The following FSIP2 variants were observed in gnomAD, a reference collection of about 807,000 sequenced individuals.
The protein encoded by FSIP2 is fibrous sheath interacting protein 2.
FSIP2 carries 367 observed loss-of-function variants against 510.5 expected under a neutral mutation model. The ratio of observed to expected loss-of-function variants is 0.72; its 90% CI spans 0.66 to 0.78. FSIP2 has a LOEUF of 0.78. Ranked by LOEUF, FSIP2 falls within the 30% of genes least tolerant of loss-of-function variation. The probability of loss-of-function intolerance (pLI) is 0.00; values close to 1 mark genes in which losing one functional copy is unlikely to be tolerated. For synonymous variants in FSIP2, 2,601 were observed against 2,732.2 expected (o/e 0.95, Z 1.50); for missense variants, 7,594 against 7,901.7 (o/e 0.96, Z 1.48).
chr2:185,747,889 C>A (rs890747611), intron 7 of FSIP2, among the ~76,000 whole-genome samples: 1 of 151,956 alleles, frequency 6.6e-6, no homozygotes, highest in African/African-American at 2.4e-5. Flanking sequence ...ACATACACCC[C>A]CCAACAATGT....
At position 185,761,966 on chromosome 2, in the gene FSIP2, A is replaced by G; in HGVS notation, c.1195-6A>G. ...AATTTTTTCTCTTCAATGTGGTACC[A>G]TGTAGAGAGATGGGATGGTATCTAA... On this transcript the variant is annotated splice_polypyrimidine_tract_variant and splice_region_variant and intron_variant, in intron 10 of 22. Coordinates refer to ENST00000424728, the MANE Select transcript of FSIP2 (RefSeq NM_173651.4). 6.9e-7 allele frequency: 1 copy of G among 1,459,446 alleles called. No homozygotes were observed. The highest frequency in any genetic ancestry group is 9.2e-7 in the Non-Finnish European group (1 of 1,081,300). 90.4% of individuals were successfully genotyped at this position (1,459,446 alleles called of 1,614,324 possible). A position where few individuals can be genotyped will look rare whatever the true frequency, so the allele number is the denominator to read the frequency against.
rs1406701103 is a variant in FSIP2, at chr2:185,764,561, A to C, written c.1407A>C (p.Glu469Asp). The part of the protein sequence containing the change: ...RPTKRSSYLC[E>D]SGPQAHATDP... The stretch of plus-strand genomic sequence containing the variant: ...CCAAGAGATCAAGCTATCTCTGCGA[A>C]TCAGGTAAATATCAGCAGTAATTAT... The change falls in exon 13 of 23, where the codon GAA becomes GAC. Residue 469 changes from glutamate (E) to aspartate (D), a missense_variant. Physicochemically the swap from Glu to Asp is conservative, Grantham distance 45. Coordinates refer to ENST00000424728, the MANE Select transcript of FSIP2 (RefSeq NM_173651.4). 6.6e-7 allele frequency: 1 copy of C among 1,517,792 alleles called. No individual in the cohort carries two copies. The highest frequency in any genetic ancestry group is 2.0e-5 in the Admixed American group (1 of 50,726). The allele number at this position is 1,517,792 out of a possible 1,614,324, so 94.0% of individuals were successfully genotyped here.
chr2:185,786,906 T>G (rs1216877429), intron 15 of FSIP2, among the ~76,000 whole-genome samples: 1 of 151,830 alleles, frequency 6.6e-6, no homozygotes, highest in Non-Finnish European at 1.5e-5. Flanking sequence ...CCAAGGGAAT[T>G]TTTTTCAGCT....
At chr2:185,826,477 T>A (rs553043247) in intron 20 of FSIP2, among the ~76,000 whole-genome samples, 1 of 151,982 alleles carries the variant, frequency 6.6e-6, no homozygotes, top group South Asian at 2.1e-4. Context: ...CATTCCTTAC[T>A]TTCAGATCTT....
At position 185,795,546 on chromosome 2, in the gene FSIP2, G is replaced by A. The variant is rs1693246770; in HGVS notation, c.8410G>A (p.Gly2804Arg). Residue 2804 changes from glycine to arginine, a missense_variant, in exon 16 of 23, where the codon GGG (glycine) becomes AGG (arginine). Physicochemically the swap from Gly to Arg is moderately radical, Grantham distance 125. Coordinates refer to ENST00000424728, the MANE Select transcript of FSIP2 (RefSeq NM_173651.4). ...MKSSHLRLSQGNIGTGSLPKQ... is the reference protein window; with the variant it reads ...MKSSHLRLSQRNIGTGSLPKQ... ...ATCCTCACATCTCAGACTTTCACAG[G>A]GGAATATAGGCACAGGATCCCTTCC... is the stretch of plus-strand genomic sequence containing the variant. 6.5e-7 allele frequency: 1 copy of A among 1,534,872 alleles called. No individual in the cohort carries two copies. Among genetic ancestry groups the A allele is most frequent in the Non-Finnish European group, 8.7e-7 (1 of 1,146,048 alleles).
At chr2:185,811,408 G>A (rs1219667189) in intron 17 of FSIP2, among the ~76,000 whole-genome samples, 1 of 150,406 alleles carries the variant, frequency 6.6e-6, no homozygotes, top group East Asian at 2.0e-4. Flanking sequence ...GGCAGAGGTT[G>A]CAGTGAGCCA....
intron 16 of FSIP2, 141 bp downstream of exon 16, chr2:185,797,667 T>C: frequency 1.3e-6 from 1 of 762,220 alleles, no homozygotes; most frequent in Middle Eastern, 2.4e-4. Context: ...GACTACTGAG[T>C]TGCACTTTAA....
At chr2:185,745,203 T>G (rs1692001858) in intron 4 of FSIP2, 1 of 294,562 alleles carries the variant, frequency 3.4e-6, no homozygotes, top group Admixed American at 5.0e-5. Flanking sequence ...TATTTTTATT[T>G]AACTTATTTA....
At chr2:185,759,666 A>G (rs934831083) in intron 9 of FSIP2, among the ~76,000 whole-genome samples, 5 of 146,606 alleles carry the variant, frequency 3.4e-5, no homozygotes, top group Non-Finnish European at 7.5e-5. Flanking sequence ...ATTATATATT[A>G]TACATAATAT....
intron 16 of FSIP2, among the ~76,000 whole-genome samples, chr2:185,799,415 C>T (rs1478306220): frequency 6.6e-6 from 1 of 151,796 alleles, no homozygotes; most frequent in Non-Finnish European, 1.5e-5. Context: ...AGCTTTCCAG[C>T]TTCTTAAGAG....
Position 185,800,212 on chromosome 2 carries a change from A to C in FSIP2, c.10906A>C (p.Met3636Leu). The C allele has an allele frequency of 6.5e-7, 1 of 1,532,152 alleles. No homozygotes were observed. The highest frequency in any genetic ancestry group is 1.2e-5 in the South Asian group (1 of 83,568). 94.9% of individuals were successfully genotyped at this position (1,532,152 alleles called of 1,614,324 possible). A position where few individuals can be genotyped will look rare whatever the true frequency, so the allele number is the denominator to read the frequency against. ...CAATGTAAGAAACAAATCATTTTCT[A>C]TGCATAGAAATAATAGTGTACCCCT... ...ESNVRNKSFS[M>L]HRNNSVPLCN... The change falls in exon 17 of 23, where the codon ATG becomes CTG. Residue 3636 changes from methionine to leucine, a missense_variant. By Grantham distance (15) the Met-to-Leu change is conservative (BLOSUM62 2). Coordinates refer to ENST00000424728, the MANE Select transcript of FSIP2 (RefSeq NM_173651.4).
chr2:185,780,639 T>C (rs1455492605), intron 13 of FSIP2, among the ~76,000 whole-genome samples: 2 of 151,998 alleles, frequency 1.3e-5, no homozygotes, highest in East Asian at 3.8e-4. Flanking sequence ...ATATTTGAAA[T>C]CTTTGAGGTC....
At chr2:185,768,177 A>C (rs1330069664) in intron 13 of FSIP2, among the ~76,000 whole-genome samples, 1 of 152,080 alleles carries the variant, frequency 6.6e-6, no homozygotes, top group Non-Finnish European at 1.5e-5. Context: ...ATAACACCTT[A>C]TCAGATATAT....
Position 185,797,181 on chromosome 2 carries a change from A to T in FSIP2, c.10045A>T (p.Thr3349Ser). 6.5e-7 allele frequency: 1 copy of T among 1,535,060 alleles called. No individual in the cohort carries two copies. Among genetic ancestry groups the T allele is most frequent in the African/African-American group, 1.4e-5 (1 of 73,048 alleles). ...CTGTGGCTTTCCAAGTCAACCACAC[A>T]CTAATGAGAACAGGGAAATAATGAA... is the stretch of plus-strand genomic sequence containing the variant. ...SSCGFPSQPH[T>S]NENREIMKPF... Residue 3349 changes from threonine to serine, a missense_variant, in exon 16 of 23, where the codon ACT becomes TCT. Physicochemically the swap from Thr to Ser is moderately conservative, Grantham distance 58. Transcript: ENST00000424728.
chr2:185,769,397 T>G (rs1184197526), intron 13 of FSIP2, among the ~76,000 whole-genome samples: 2 of 152,238 alleles, frequency 1.3e-5, no homozygotes, highest in African/African-American at 2.4e-5. Context: ...ATTGGGCTTT[T>G]TTAAATATGC....
At chr2:185,786,783 C>A (rs1692991300) in intron 15 of FSIP2, among the ~76,000 whole-genome samples, 3 of 151,738 alleles carry the variant, frequency 2.0e-5, no homozygotes, top group African/African-American at 4.8e-5. Context: ...TGGATCTAGA[C>A]CGAAAAGTCA....
intron 13 of FSIP2, among the ~76,000 whole-genome samples, chr2:185,769,645 T>G (rs1385239736): frequency 2.0e-5 from 3 of 152,212 alleles, no homozygotes; most frequent in Non-Finnish European, 4.4e-5. Context: ...ATTTGTCAAT[T>G]TTTGCCTTTG....
At position 185,806,977 on chromosome 2, in the gene FSIP2, C is replaced by T. The variant is rs1175265121; in HGVS notation, c.17671C>T (p.Pro5891Ser). ...TAAGATAAAATCTGCAGATAAAATG[C>T]CACCTATGCATAAAATGATGAGAAA... ...SIKIKSADKMPPMHKMMRKPS... is the reference protein window; with the variant it reads ...SIKIKSADKMSPMHKMMRKPS... Residue 5891 changes from proline (P) to serine (S), a missense_variant, in exon 17 of 23, where the codon CCA becomes TCA. Physicochemically the swap from Pro to Ser is moderately conservative, Grantham distance 74. Transcript: ENST00000424728. 2 of 1,610,396 alleles carry T rather than the reference C, an allele frequency of 1.2e-6. No homozygotes were observed. Among genetic ancestry groups the T allele is most frequent in the Non-Finnish European group, 1.7e-6 (2 of 1,178,462 alleles).
rs1207744017 is a variant in FSIP2, at chr2:185,760,997, C to A, written c.1088C>A (p.Ala363Glu). 2 of 1,437,910 alleles carry A rather than the reference C, an allele frequency of 1.4e-6. No individual in the cohort carries two copies. Among genetic ancestry groups the A allele is most frequent in the Non-Finnish European group, 1.9e-6 (2 of 1,078,138 alleles). The allele number at this position is 1,437,910 out of a possible 1,614,324, so 89.1% of individuals were successfully genotyped here. A position where few individuals can be genotyped will look rare whatever the true frequency, so the allele number is the denominator to read the frequency against. The change falls in exon 10 of 23, where the codon GCA becomes GAA. Residue 363 changes from alanine to glutamate, a missense_variant. By Grantham distance (107) the Ala-to-Glu change is moderately radical. Coordinates refer to ENST00000424728, the MANE Select transcript of FSIP2 (RefSeq NM_173651.4). Reference protein sequence around the residue: ...NTYKETHGHTANAAHQRQNSS... With the variant: ...NTYKETHGHTENAAHQRQNSS... The stretch of plus-strand genomic sequence containing the variant: ...TCTCGTTTTCTTTTAGGACATACAG[C>A]AAATGCTGCTCATCAGCGTCAAAAT...
Sources: gnomAD v4.1 joint callset for allele counts (sites outside exome capture counted in the v4.1 genomes callset) on GRCh38, gnomAD v4.1.1 for gene constraint, MANE v1.5 for transcripts, NCBI Gene and HGNC (gene_info 2026-07-23, HGNC 2026-07-21) for gene names.